The following TMEM178B variants were observed in gnomAD, a reference collection of about 807,000 sequenced individuals.
TMEM178B encodes transmembrane protein 178B.
Under a neutral mutation model 31.0 loss-of-function variants are expected in TMEM178B, and 5 were observed. That is an observed-to-expected ratio of 0.16 (90% CI 0.08 to 0.34). The LOEUF is 0.34. Among genes scored for constraint, TMEM178B ranks in the 10% least tolerant of loss-of-function variants. The pLI, the probability that TMEM178B is intolerant of heterozygous loss-of-function variation, is 1.00. For missense variants in TMEM178B, 275 were observed against 400.3 expected (o/e 0.69, Z 2.67); for synonymous variants, 164 against 164.0 (o/e 1.00, Z 0.00).
chr7:141,417,104 A>G (rs1031317542), intron 2 of TMEM178B, among the ~76,000 whole-genome samples: 1 of 152,198 alleles, frequency 6.6e-6, no homozygotes, highest in Non-Finnish European at 1.5e-5. Flanking sequence ...CCTGGCACAT[A>G]GTAAGTGCTG....
chr7:141,510,576 T>A, the TMEM178B span, among the ~76,000 whole-genome samples: 1 of 146,782 alleles, frequency 6.8e-6, no homozygotes, highest in Admixed American at 7.1e-5. Flanking sequence ...TCCCAGCTAC[T>A]CAGGAGACTG....
At chr7:141,322,246 G>T (rs1799112506) in intron 2 of TMEM178B, among the ~76,000 whole-genome samples, 1 of 152,070 alleles carries the variant, frequency 6.6e-6, no homozygotes, top group Non-Finnish European at 1.5e-5. Flanking sequence ...TAAAGAGTAG[G>T]CAGGGCCTGG....
the TMEM178B span, among the ~76,000 whole-genome samples, chr7:141,505,736 G>A: frequency 1.3e-5 from 2 of 152,204 alleles, no homozygotes; most frequent in Admixed American, 6.5e-5. Context: ...GCCCTGATGA[G>A]GATGGATAAA....
At chr7:141,505,738 A>G in the TMEM178B span, among the ~76,000 whole-genome samples, 3 of 152,294 alleles carry the variant, frequency 2.0e-5, no homozygotes, top group South Asian at 6.2e-4. Flanking sequence ...CCTGATGAGG[A>G]TGGATAAAGG....
At chr7:141,123,268 G>C (rs764503979) in intron 1 of TMEM178B, among the ~76,000 whole-genome samples, 6 of 152,232 alleles carry the variant, frequency 3.9e-5, no homozygotes, top group Non-Finnish European at 8.8e-5. Flanking sequence ...TGGGTGTTCA[G>C]GTGGCCTGGG....
chr7:141,412,580 C>T (rs1801010918), intron 2 of TMEM178B, among the ~76,000 whole-genome samples: 1 of 152,190 alleles, frequency 6.6e-6, no homozygotes, highest in Non-Finnish European at 1.5e-5. Context: ...TTAGATTCTG[C>T]AAAATGTTGA....
the TMEM178B span, among the ~76,000 whole-genome samples, chr7:141,499,834 G>A: frequency 3.5e-3 from 533 of 152,276 alleles, 2 homozygotes; most frequent in African/African-American, 9.9e-3. Context: ...CACACATGAA[G>A]AATGGGAGAA....
At chr7:141,130,308 A>C (rs1490499607) in intron 1 of TMEM178B, among the ~76,000 whole-genome samples, 1 of 152,206 alleles carries the variant, frequency 6.6e-6, no homozygotes, top group Non-Finnish European at 1.5e-5. Context: ...CAGTTAAATA[A>C]AACTCATCTG....
At chr7:141,204,420 G>A (rs1291723049) in intron 1 of TMEM178B, among the ~76,000 whole-genome samples, 1 of 152,230 alleles carries the variant, frequency 6.6e-6, no homozygotes, top group Non-Finnish European at 1.5e-5. Context: ...TGGGAAGGGA[G>A]TGGAGGTAGG....
intron 3 of TMEM178B, among the ~76,000 whole-genome samples, chr7:141,453,530 T>C (rs753198366): frequency 4.9e-4 from 75 of 152,268 alleles, no homozygotes; most frequent in Admixed American, 1.2e-3. Flanking sequence ...GTATGGTCCC[T>C]GTCCTTAAAG....
At chr7:141,247,783 A>AT (rs1483743357) in intron 2 of TMEM178B, among the ~76,000 whole-genome samples, 2 of 152,192 alleles carry the variant, frequency 1.3e-5, no homozygotes, top group African/African-American at 4.8e-5. Context: ...CAATGACCAA[A>AT]TTTTTTGTGT....
intron 2 of TMEM178B, among the ~76,000 whole-genome samples, chr7:141,399,684 G>A (rs1800725252): frequency 6.6e-6 from 1 of 152,052 alleles, no homozygotes; most frequent in African/African-American, 2.4e-5. Context: ...ATGGTTTATG[G>A]GCATCATTTT....
At chr7:141,264,048 G>A (rs930501680) in intron 2 of TMEM178B, among the ~76,000 whole-genome samples, 1 of 152,198 alleles carries the variant, frequency 6.6e-6, no homozygotes, top group Non-Finnish European at 1.5e-5. Flanking sequence ...AGTATACACG[G>A]AGCATTGCCA....
chr7:141,375,400 T>A (rs1317106674), intron 2 of TMEM178B, among the ~76,000 whole-genome samples: 1 of 152,196 alleles, frequency 6.6e-6, no homozygotes, highest in Non-Finnish European at 1.5e-5. Context: ...TGCACCTGCG[T>A]AGAGATTGTC....
Position 141,089,906 on chromosome 7 carries a change from G to A in TMEM178B, c.382+15214G>A, listed in dbSNP as rs575988682. ...GATAGCATTAGGAGATATACCTAAT[G>A]TAAATGACGAGTTAATGGGTGCAGC... On this transcript the variant is annotated intron_variant, in intron 1 of 3. Transcript: ENST00000565468. Among the ~76,000 whole-genome samples, 11 of 152,120 alleles carry A rather than the reference G, an allele frequency of 7.2e-5. 1 individual carries two copies. In the East Asian group the frequency reaches 7.7e-4, roughly 11 times the overall value.
chr7:141,346,412 C>G (rs2116520596), intron 2 of TMEM178B, among the ~76,000 whole-genome samples: 1 of 152,336 alleles, frequency 6.6e-6, no homozygotes, highest in African/African-American at 2.4e-5. Context: ...AGACTTCCTT[C>G]TTTCCTAATT....
intron 2 of TMEM178B, among the ~76,000 whole-genome samples, chr7:141,419,797 A>G (rs891962994): frequency 6.6e-6 from 1 of 152,238 alleles, no homozygotes; most frequent in African/African-American, 2.4e-5. Flanking sequence ...ATTCCCAGAA[A>G]GAGAACTTAG....
chr7:141,279,152 G>GATTCCT (rs1287734556), intron 2 of TMEM178B, among the ~76,000 whole-genome samples: 1 of 152,168 alleles, frequency 6.6e-6, no homozygotes, highest in Non-Finnish European at 1.5e-5. Flanking sequence ...CTTCCTAGGT[G>GATTCCT]AGTAGCTCAG....
rs753794546 is a variant in TMEM178B, at chr7:141,171,624, C to G, written c.383-40967C>G. ...GCCTCGGTCTCCCGCATGACACTGT[C>G]TTCTGAGTGATGCATGCAAATTCCA... On this transcript the variant is annotated intron_variant, in intron 1 of 3. Transcript: ENST00000565468. The surrounding 1 kb of genome is among the most constrained non-coding windows in gnomAD (Gnocchi z 4.3). Among the ~76,000 whole-genome samples the G allele has an allele frequency of 1.7e-4, 26 of 152,188 alleles. No individual in the cohort carries two copies. Among genetic ancestry groups the G allele is most frequent in the Non-Finnish European group, 7.3e-5 (5 of 68,044 alleles).
Sources: gnomAD v4.1 joint callset for allele counts (sites outside exome capture counted in the v4.1 genomes callset) on GRCh38, gnomAD v4.1.1 for gene constraint, Gnocchi (gnomAD v3.1) non-coding constraint, MANE v1.5 for transcripts, NCBI Gene and HGNC (gene_info 2026-07-23, HGNC 2026-07-21) for gene names.